CEP128: variants seen among roughly 807,000 people sequenced by gnomAD.
The protein encoded by CEP128 is centrosomal protein 128.
A neutral mutation model predicts 156.7 loss-of-function variants in CEP128; 132 were observed. The observed-to-expected ratio is 0.84, with a 90% CI of 0.73 to 0.97. The LOEUF (loss-of-function observed/expected upper bound fraction) is 0.97. Ranked by LOEUF, CEP128 falls within the 50% of genes least tolerant of loss-of-function variation. The pLI is 0.00. For missense variants in CEP128, 1,252 were observed against 1,281.9 expected (o/e 0.98, Z 0.36); for synonymous variants, 469 against 448.9 (o/e 1.04, Z -0.57).
At chr14:80,678,599 C>A (rs766233053) in intron 19 of CEP128, among the ~76,000 whole-genome samples, 53 of 152,124 alleles carry the variant, frequency 3.5e-4, no homozygotes, top group Non-Finnish European at 6.3e-4. Flanking sequence ...AGACAAACAG[C>A]CCCTGTGACT....
At chr14:80,736,257 T>TTA (rs112447752) in intron 19 of CEP128, among the ~76,000 whole-genome samples, 30 of 147,242 alleles carry the variant, frequency 2.0e-4, no homozygotes, top group South Asian at 4.3e-4. Flanking sequence ...TATAAGGTTT[T>TTA]AAAAAAAAAA....
rs377514700 is a variant in CEP128 at position 80,927,712 on chromosome 14, G to C, written c.-15-11150C>G. On this transcript the variant is annotated intron_variant, in intron 2 of 24. Coordinates refer to ENST00000555265, the MANE Select transcript of CEP128 (RefSeq NM_152446.5). ...ACTGAGAGCTTTCCCAGCCATCTCT[G>C]TTGAGGCTGTGACCTCTGCCCACCA... 2.6e-5 allele frequency among the ~76,000 whole-genome samples: 4 copies of C among 152,180 alleles called. No individual in the cohort carries two copies. The East Asian group carries it at 7.7e-4, about 29-fold the overall frequency.
Position 80,526,885 on chromosome 14 carries a change from C to A in CEP128, c.3056G>T (p.Arg1019Ile). The change falls in exon 23 of 25, where the codon AGA becomes ATA. Residue 1019 changes from arginine to isoleucine, a missense_variant. Physicochemically the swap from Arg to Ile is moderately conservative, Grantham distance 97 (BLOSUM62 -3). Transcript: ENST00000555265. The part of the protein sequence containing the change: ...LQHHQDDTKY[R>I]TKSFKGDRTF... Reference sequence around the variant, plus strand: ...GAAAATTACTTTGAAACTTTTGGTTCTGTACTTGGTGTCATCTTGGTGATG... The same window carrying A: ...GAAAATTACTTTGAAACTTTTGGTTATGTACTTGGTGTCATCTTGGTGATG... 1 of 1,599,114 alleles carries A rather than the reference C, an allele frequency of 6.3e-7. No individual in the cohort carries two copies. Among genetic ancestry groups the A allele is most frequent in the South Asian group, 1.1e-5 (1 of 89,984 alleles).
intron 19 of CEP128, among the ~76,000 whole-genome samples, chr14:80,661,061 G>A (rs1895381361): frequency 6.6e-6 from 1 of 152,160 alleles, no homozygotes; most frequent in Non-Finnish European, 1.5e-5. Flanking sequence ...TAGTAACCCA[G>A]CGTCACTGAA....
chr14:80,677,987 G>A (rs952640302), intron 19 of CEP128, among the ~76,000 whole-genome samples: 2 of 148,972 alleles, frequency 1.3e-5, no homozygotes, highest in Admixed American at 6.7e-5. Flanking sequence ...TTAAGAAAAG[G>A]TTATTTATCA....
chr14:80,585,262 C>T lies in CEP128; in HGVS notation c.2807-4839G>A, dbSNP rs542405010. Among the ~76,000 whole-genome samples the T allele has an allele frequency of 2.0e-5, 3 of 152,328 alleles. No individual in the cohort carries two copies. In the South Asian group the frequency reaches 6.2e-4, roughly 32 times the overall value. On this transcript the variant is annotated intron_variant, in intron 19 of 24. Coordinates refer to ENST00000555265, the MANE Select transcript of CEP128 (RefSeq NM_152446.5). ...ACACTTAGGGTTAATATATCACGAC[C>T]AAGTTTTTGGCTAAGATAGTTTTAT...
chr14:80,823,617 A>C (rs74934807), intron 13 of CEP128, among the ~76,000 whole-genome samples: 5 of 151,540 alleles, frequency 3.3e-5, no homozygotes, highest in Non-Finnish European at 5.9e-5. Flanking sequence ...GAAAAAAAAA[A>C]AAACTCCAAA....
At chr14:80,683,835 AC>A (rs1896419410) in intron 19 of CEP128, among the ~76,000 whole-genome samples, 1 of 152,174 alleles carries the variant, frequency 6.6e-6, no homozygotes, top group African/African-American at 2.4e-5. Context: ...ACACAATTAT[AC>A]GAAAATGAAA....
At chr14:80,833,691 T>C (rs1424109691) in intron 12 of CEP128, among the ~76,000 whole-genome samples, 1 of 152,118 alleles carries the variant, frequency 6.6e-6, no homozygotes, top group East Asian at 1.9e-4. Flanking sequence ...TAGTGCCCTT[T>C]AGTAATAGAA....
intron 19 of CEP128, among the ~76,000 whole-genome samples, chr14:80,632,607 G>A (rs1894008203): frequency 6.7e-6 from 1 of 150,228 alleles, no homozygotes; most frequent in Non-Finnish European, 1.5e-5. Flanking sequence ...ATATTATAGT[G>A]CATTCACTAT....
chr14:80,560,574 G>A (rs1007237100), intron 20 of CEP128, among the ~76,000 whole-genome samples: 7 of 151,854 alleles, frequency 4.6e-5, no homozygotes, highest in African/African-American at 7.3e-5. Context: ...TTGATCCTGG[G>A]TGTGTCTGTG....
chr14:80,937,204 C>CTG (rs199881671), intron 2 of CEP128, among the ~76,000 whole-genome samples: 2,302 of 152,002 alleles, frequency 0.015, 24 homozygotes, highest in Middle Eastern at 0.051. Flanking sequence ...ACCTGTAGTC[C>CTG]TAACTACTCG....
At chr14:80,511,356 T>C (rs1888246779) in intron 23 of CEP128, among the ~76,000 whole-genome samples, 2 of 151,964 alleles carry the variant, frequency 1.3e-5, no homozygotes, top group African/African-American at 4.8e-5. Context: ...GTGTCCAGAA[T>C]GTATCCATTT....
intron 6 of CEP128, among the ~76,000 whole-genome samples, chr14:80,903,897 T>G (rs1883723764): frequency 6.6e-6 from 1 of 152,106 alleles, no homozygotes; most frequent in African/African-American, 2.4e-5. Flanking sequence ...ACTGGGAACG[T>G]AAACTAGTAC....
At chr14:80,635,088 A>G (rs1034875668) in intron 19 of CEP128, among the ~76,000 whole-genome samples, 1 of 152,116 alleles carries the variant, frequency 6.6e-6, no homozygotes, top group Non-Finnish European at 1.5e-5. Flanking sequence ...TCTCTGATCA[A>G]TCCCTTTATT....
At chr14:80,804,054 T>C (rs981934886) in intron 13 of CEP128, among the ~76,000 whole-genome samples, 1 of 152,084 alleles carries the variant, frequency 6.6e-6, no homozygotes, top group Non-Finnish European at 1.5e-5. Flanking sequence ...AATAAACATG[T>C]GTACTGCAAA....
chr14:80,495,185 C>T (rs1887450907), downstream of CEP128, among the ~76,000 whole-genome samples: 1 of 152,202 alleles, frequency 6.6e-6, no homozygotes, highest in African/African-American at 2.4e-5. Flanking sequence ...ACTATTCAAA[C>T]AGGGCTGATA....
At chr14:80,501,491 T>C (rs1887730968) in intron 24 of CEP128, among the ~76,000 whole-genome samples, 1 of 152,012 alleles carries the variant, frequency 6.6e-6, no homozygotes, top group South Asian at 2.1e-4. Context: ...CTCCTTTTCT[T>C]TCTTTCTTTT....
At chr14:80,659,205 G>A (rs1778011239) in intron 19 of CEP128, among the ~76,000 whole-genome samples, 1 of 152,054 alleles carries the variant, frequency 6.6e-6, no homozygotes. Flanking sequence ...TAGTTCAGTT[G>A]GAGAAGAACA....
Sources: gnomAD v4.1 joint callset for allele counts (sites outside exome capture counted in the v4.1 genomes callset) on GRCh38, gnomAD v4.1.1 for gene constraint, MANE v1.5 for transcripts, NCBI Gene and HGNC (gene_info 2026-07-23, HGNC 2026-07-21) for gene names.